MAP4K5: variants seen among roughly 807,000 people sequenced by gnomAD.
The protein encoded by MAP4K5 is mitogen-activated protein kinase kinase kinase kinase 5.
Under a neutral mutation model 135.6 loss-of-function variants are expected in MAP4K5, and 82 were observed. The observed-to-expected ratio is 0.60, with a 90% CI of 0.51 to 0.73. MAP4K5 has a LOEUF of 0.73. MAP4K5 is among the 30% of genes least tolerant of loss of function. MAP4K5 has a pLI of 0.00. For synonymous variants in MAP4K5, 347 were observed against 335.0 expected (o/e 1.04, Z -0.39); for missense variants, 907 against 1,010.9 (o/e 0.90, Z 1.39).
chr14:50,464,856 C>T (rs1047779859), intron 11 of MAP4K5, among the ~76,000 whole-genome samples: 4 of 152,158 alleles, frequency 2.6e-5, no homozygotes, highest in African/African-American at 9.7e-5. Context: ...ATAAAGATAA[C>T]ATGGAGTCAG....
At chr14:50,532,857 G>C (rs1378107481), upstream of MAP4K5, 3 of 152,368 alleles carry the variant, frequency 2.0e-5, no homozygotes, top group Non-Finnish European at 4.4e-5. Context: ...TGGCTAAACC[G>C]TCCCCACATT....
chr14:50,515,376 G>T (rs1204856821), intron 2 of MAP4K5, among the ~76,000 whole-genome samples: 2 of 152,014 alleles, frequency 1.3e-5, no homozygotes, highest in Admixed American at 1.3e-4. Context: ...TATCCTTTCA[G>T]CTCACTTATT....
chr14:50,503,089 GA>G (rs145348645), intron 3 of MAP4K5, among the ~76,000 whole-genome samples: 3,728 of 148,220 alleles, frequency 0.025, 54 homozygotes, highest in East Asian at 0.07. Context: ...CTTCCACATG[GA>G]AAAAAAAAAG....
intron 14 of MAP4K5, among the ~76,000 whole-genome samples, chr14:50,453,377 G>A (rs567907860): frequency 6.5e-4 from 99 of 152,072 alleles, no homozygotes; most frequent in Non-Finnish European, 1.1e-3. Context: ...AAGCTGAAAG[G>A]ACAGACACAA....
intron 20 of MAP4K5, among the ~76,000 whole-genome samples, chr14:50,443,363 T>C (rs888891145): frequency 1.1e-4 from 16 of 152,040 alleles, no homozygotes; most frequent in Admixed American, 4.6e-4. Flanking sequence ...AATGCATTAA[T>C]ATAAGCTTCC....
At chr14:50,468,577 A>T in intron 10 of MAP4K5, 74 bp downstream of exon 10, 2 of 1,440,318 alleles carry the variant, frequency 1.4e-6, no homozygotes, top group Non-Finnish European at 1.9e-6. Context: ...AATGAGCTTG[A>T]TGCTGAGTTA....
chr14:50,493,996 A>C (rs1217822541), intron 3 of MAP4K5, among the ~76,000 whole-genome samples: 4 of 151,718 alleles, frequency 2.6e-5, no homozygotes, highest in Admixed American at 6.6e-5. Context: ...GCAAAAAAAA[A>C]CAAAAACAAA....
rs376375450 is a variant in MAP4K5 at position 50,428,774 on chromosome 14, T to C, written c.2234-20A>G. 7.1e-6 allele frequency: 8 copies of C among 1,129,052 alleles called. No homozygotes were observed. The highest frequency in any genetic ancestry group is 1.3e-6 in the Non-Finnish European group (1 of 795,450). The allele number at this position is 1,129,052 out of a possible 1,614,324, so 69.9% of individuals were successfully genotyped here. A position where few individuals can be genotyped will look rare whatever the true frequency, so the allele number is the denominator to read the frequency against. ...CAAATTCTTAAAAAAAAAAAACAAG[T>C]CAAGACTGGACATGCAAATCTGCTA... On this transcript the variant is annotated intron_variant, in intron 29 of 32. Transcript: ENST00000682126.
At position 50,437,978 on chromosome 14, in the gene MAP4K5, AG is replaced by A; in HGVS notation, c.1738del (p.Ile581Ter). 6.2e-7 allele frequency: 1 copy of A among 1,610,226 alleles called. No individual in the cohort carries two copies. The highest frequency in any genetic ancestry group is 8.5e-7 in the Non-Finnish European group (1 of 1,176,738). ...GKTFQLYSHN[L>X]IALFEHAKKP... ...TTTGGCATGTTCAAACAAAGCTATA[AG>A]ATTGTGAGAGTAGAGCTGAAAGGTT... On this transcript the variant is annotated frameshift_variant, in exon 25 of 33. Coordinates refer to ENST00000682126, the MANE Select transcript of MAP4K5 (RefSeq NM_006575.6). LOFTEE classifies it high-confidence loss of function.
At chr14:50,466,757 G>A in intron 10 of MAP4K5, 112 bp from the exon 11 acceptor site, 1 of 565,852 alleles carries the variant, frequency 1.8e-6, no homozygotes, top group Non-Finnish European at 3.2e-6. Flanking sequence ...GGACAATGAT[G>A]AAAACTACTA....
rs112470833 is a variant in MAP4K5, at chr14:50,527,484, G to C, written c.108+4458C>G. 7.1e-3 allele frequency among the ~76,000 whole-genome samples: 1,067 copies of C among 149,980 alleles called. 4 individuals are homozygous for C. Among genetic ancestry groups the C allele is most frequent in the Middle Eastern group, 0.031 (9 of 286 alleles). On this transcript the variant is annotated intron_variant, in intron 2 of 32. Coordinates refer to ENST00000682126, the MANE Select transcript of MAP4K5 (RefSeq NM_006575.6). The stretch of plus-strand genomic sequence containing the variant: ...AAATGCTGGTCATTTCAATCAAACA[G>C]AAAAAAGACCTGTATCATATTCCCA...
At chr14:50,440,324 T>C (rs2036196780) in intron 22 of MAP4K5, 38 bp downstream of exon 22, 1 of 1,311,600 alleles carries the variant, frequency 7.6e-7, no homozygotes, top group Non-Finnish European at 1.1e-6. Context: ...TTATTCAATT[T>C]GTTTAAATTA....
intron 6 of MAP4K5, 55 bp downstream of exon 6, chr14:50,482,306 T>C: frequency 2.8e-6 from 3 of 1,072,552 alleles, no homozygotes; most frequent in Non-Finnish European, 3.9e-6. Context: ...TCTAACTACA[T>C]TAAGAAAATA....
chr14:50,526,341 C>T (rs1208211856), intron 2 of MAP4K5, among the ~76,000 whole-genome samples: 1 of 152,102 alleles, frequency 6.6e-6, no homozygotes, highest in Non-Finnish European at 1.5e-5. Context: ...CTTTTGTTGC[C>T]CAGGCTGGAG....
rs1277896733 is a variant in MAP4K5 at position 50,532,113 on chromosome 14, C to T, written c.-64G>A. 5.0e-6 allele frequency: 5 copies of T among 998,048 alleles called. No individual in the cohort carries two copies. The highest frequency in any genetic ancestry group is 3.2e-5 in the African/African-American group (2 of 62,136). 61.8% of individuals were successfully genotyped at this position (998,048 alleles called of 1,614,324 possible). A position where few individuals can be genotyped will look rare whatever the true frequency, so the allele number is the denominator to read the frequency against. ...GCTCCCGGATTCCCGCTAACAAGCA[C>T]GAACGGCGCCGCTTCCCAACATGGA... On this transcript the variant is annotated 5_prime_UTR_variant, in exon 2 of 33. The change creates a new upstream start codon in the 5' untranslated region. Transcript: ENST00000682126.
intron 25 of MAP4K5, 121 bp downstream of exon 25, chr14:50,437,773 C>T: frequency 1.4e-6 from 1 of 717,216 alleles, no homozygotes; most frequent in Non-Finnish European, 2.4e-6. Flanking sequence ...ATATAATACA[C>T]TTTAGTTTAA....
In MAP4K5 at chr14:50,512,647, C is replaced by T. The variant is rs1033416905; in HGVS notation, c.109-7790G>A. 3.3e-5 allele frequency among the ~76,000 whole-genome samples: 5 copies of T among 152,066 alleles called. No homozygotes were observed. In the East Asian group the frequency reaches 9.6e-4, roughly 29 times the overall value. On this transcript the variant is annotated intron_variant, in intron 2 of 32. Coordinates refer to ENST00000682126, the MANE Select transcript of MAP4K5 (RefSeq NM_006575.6). The stretch of plus-strand genomic sequence containing the variant: ...TAATTTTCCAGCTGGATTTTTAAAA[C>T]AGAGAGCAGTACCAGGCTCTTTTAT...
chr14:50,527,429 T>C (rs1384926719), intron 2 of MAP4K5, among the ~76,000 whole-genome samples: 12 of 151,280 alleles, frequency 7.9e-5, no homozygotes, highest in Admixed American at 7.9e-4. Context: ...AAAAAAAATG[T>C]ACTTTTGTAG....
intron 16 of MAP4K5, 25 bp from the exon 17 acceptor site, chr14:50,446,146 T>C: frequency 6.7e-7 from 1 of 1,497,560 alleles, no homozygotes; most frequent in South Asian, 1.2e-5. Context: ...AAATGCAATT[T>C]AGATGATGAT....
Sources: allele counts gnomAD v4.1 joint callset (sites outside exome capture counted in the v4.1 genomes callset), GRCh38; gene constraint gnomAD v4.1.1; transcripts MANE v1.5; gene names NCBI Gene and HGNC (gene_info 2026-07-23, HGNC 2026-07-21).